The following DAB1 variants were observed in gnomAD, a reference collection of about 807,000 sequenced individuals.
DAB1 encodes DAB adaptor protein 1.
Under a neutral mutation model 64.6 loss-of-function variants are expected in DAB1, and 15 were observed. The ratio of observed to expected loss-of-function variants is 0.23; its 90% CI spans 0.16 to 0.36. The LOEUF (loss-of-function observed/expected upper bound fraction) is 0.36. Ranked by LOEUF, DAB1 falls within the 10% of genes least tolerant of loss-of-function variation. DAB1 has a pLI of 1.00. For missense variants in DAB1, 596 were observed against 706.7 expected, an observed-to-expected ratio of 0.84 and a Z score of 1.78; for synonymous variants, 235 against 251.9, an observed-to-expected ratio of 0.93 and a Z score of 0.64.
At chr1:57,816,816 ATG>A (rs1167625277) in intron 6 of DAB1, among the ~76,000 whole-genome samples, 1 of 152,186 alleles carries the variant, frequency 6.6e-6, no homozygotes, top group Non-Finnish European at 1.5e-5. Flanking sequence ...TGACACAAAT[ATG>A]TTATTTGATT....
At chr1:58,403,682 G>A (rs985331202) in intron 3 of DAB1, among the ~76,000 whole-genome samples, 3 of 152,204 alleles carry the variant, frequency 2.0e-5, no homozygotes, top group African/African-American at 7.2e-5. Flanking sequence ...TCACGGGGTT[G>A]TGAGGATGAA....
intron 5 of DAB1, among the ~76,000 whole-genome samples, chr1:57,949,386 C>T (rs572321174): frequency 2.5e-4 from 38 of 152,210 alleles, no homozygotes; most frequent in African/African-American, 8.9e-4. Flanking sequence ...CTGGGCAGCC[C>T]AGTTTATAAC....
chr1:57,459,208 AATTTT>A lies in DAB1; in HGVS notation n.626-168047_626-168043del, dbSNP rs531939442. ...ATTTTAAACTCCATGTTTTTCACTT[AATTTT>A]ATTTCATAAACACTATGCATATTTT... On this transcript the variant is annotated intron_variant and non_coding_transcript_variant, in intron 7 of 20. Transcript: ENST00000485760. 4.1e-3 allele frequency among the ~76,000 whole-genome samples: 627 copies of A among 152,284 alleles called. 3 individuals carry two copies. Among genetic ancestry groups the A allele is most frequent in the Middle Eastern group, 6.8e-3 (2 of 294 alleles).
rs543071646 is a variant in DAB1, at chr1:57,567,190, A to C, written n.625+82402T>G. On this transcript the variant is annotated intron_variant and non_coding_transcript_variant, in intron 7 of 20. Coordinates refer to the DAB1 transcript ENST00000485760. Reference sequence around the variant, plus strand: ...AAGACAAAAACCACATGATTATCTCAATAGATGCAGAAAAGGCCTTTGACA... The same window carrying C: ...AAGACAAAAACCACATGATTATCTCCATAGATGCAGAAAAGGCCTTTGACA... 2.6e-5 allele frequency among the ~76,000 whole-genome samples: 4 copies of C among 152,340 alleles called. No individual in the cohort carries two copies. The South Asian group carries it at 8.3e-4, about 32-fold the overall frequency.
chr1:57,682,745 G>A (rs1036465239), intron 6 of DAB1, among the ~76,000 whole-genome samples: 1 of 152,126 alleles, frequency 6.6e-6, no homozygotes, highest in Admixed American at 6.5e-5. Flanking sequence ...CTTTTGTGTG[G>A]GGGGAAGCTC....
intron 5 of DAB1, among the ~76,000 whole-genome samples, chr1:58,126,131 G>A (rs1024593881): frequency 6.6e-6 from 1 of 152,142 alleles, no homozygotes; most frequent in East Asian, 1.9e-4. Context: ...AAATCAGTCT[G>A]ACCTTTTCCC....
At chr1:57,429,934 T>C (rs1685436320) in intron 7 of DAB1, among the ~76,000 whole-genome samples, 1 of 151,746 alleles carries the variant, frequency 6.6e-6, no homozygotes, top group African/African-American at 2.4e-5. Flanking sequence ...TGCCTCTGGG[T>C]TGTAATTATC....
chr1:58,343,222 G>A lies in DAB1; in HGVS notation n.309+130C>T, dbSNP rs922089264. Reference sequence around the variant, plus strand: ...TCTACCACTGGGATGCTGAGCTCTTGTCTCTATAACTGGAACATATAGATG... The same window carrying A: ...TCTACCACTGGGATGCTGAGCTCTTATCTCTATAACTGGAACATATAGATG... On this transcript the variant is annotated intron_variant and non_coding_transcript_variant, in intron 4 of 20. Coordinates refer to the DAB1 transcript ENST00000485760. The A allele has an allele frequency of 2.7e-5, 4 of 150,866 alleles. No individual in the cohort carries two copies. The East Asian group carries it at 7.8e-4, about 29-fold the overall frequency. 9.3% of individuals were successfully genotyped at this position (150,866 alleles called of 1,614,324 possible).
rs185605471 is a variant in DAB1 at position 57,900,848 on chromosome 1, C to A, written n.388-16686G>T. 1.9e-3 allele frequency among the ~76,000 whole-genome samples: 291 copies of A among 152,208 alleles called. 2 individuals carry two copies. The highest frequency in any genetic ancestry group is 6.8e-3 in the African/African-American group (281 of 41,544). On this transcript the variant is annotated intron_variant and non_coding_transcript_variant, in intron 5 of 20. Transcript: ENST00000485760. Reference sequence around the variant, plus strand: ...ATTACTTGGTGAATGTTCTTTCTTGCTAGATTACTGATTCTATGGGGGCAG... The same window carrying A: ...ATTACTTGGTGAATGTTCTTTCTTGATAGATTACTGATTCTATGGGGGCAG...
chr1:57,274,201 T>G (rs1366850195), intron 2 of DAB1, among the ~76,000 whole-genome samples: 1 of 152,212 alleles, frequency 6.6e-6, no homozygotes, highest in Admixed American at 6.5e-5. Flanking sequence ...TGTTAAAAAT[T>G]AAAACTCAGT....
chr1:57,647,245 T>C (rs984389768), intron 7 of DAB1, among the ~76,000 whole-genome samples: 2 of 152,172 alleles, frequency 1.3e-5, no homozygotes, highest in Non-Finnish European at 2.9e-5. Context: ...CATCTCTTTC[T>C]AGGAATAGAT....
chr1:57,683,249 G>A (rs562668714), intron 6 of DAB1, among the ~76,000 whole-genome samples: 3 of 152,258 alleles, frequency 2.0e-5, no homozygotes, highest in Non-Finnish European at 2.9e-5. Flanking sequence ...TTGAAAGAAC[G>A]TGGTCTATCT....
At chr1:58,535,285 A>G (rs983992550) in intron 1 of DAB1, among the ~76,000 whole-genome samples, 1 of 152,184 alleles carries the variant, frequency 6.6e-6, no homozygotes, top group Admixed American at 6.5e-5. Context: ...AACTTTCATA[A>G]AGTGTATGCT....
At chr1:57,035,833 CTTTTT>C (rs35389635) in intron 9 of DAB1, among the ~76,000 whole-genome samples, 4 of 61,916 alleles carry the variant, frequency 6.5e-5, no homozygotes, top group South Asian at 7.1e-4. Context: ...CGCACATGCA[CTTTTT>C]TTTTTTTTTT....
Position 57,269,178 on chromosome 1 carries a change from C to A in DAB1, c.67+21786G>T, listed in dbSNP as rs372195309. Among the ~76,000 whole-genome samples the A allele has an allele frequency of 6.0e-4, 92 of 152,196 alleles. 1 individual carries two copies. The South Asian group carries it at 0.016, about 27-fold the overall frequency. ...TTTGGCCCAACCTCCAGTCTCCCAC[C>A]AGCACCTCCCATTTGTTGAGCTGAC... On this transcript the variant is annotated intron_variant, in intron 2 of 14. Coordinates refer to ENST00000371236, the MANE Select transcript of DAB1 (RefSeq NM_001365792.1).
At chr1:57,457,244 G>A (rs986229057) in intron 7 of DAB1, among the ~76,000 whole-genome samples, 3 of 152,126 alleles carry the variant, frequency 2.0e-5, no homozygotes, top group Admixed American at 6.6e-5. Flanking sequence ...GTGGTAGACC[G>A]GAGAATTGGA....
chr1:58,395,271 C>T (rs924402402), intron 3 of DAB1, among the ~76,000 whole-genome samples: 5 of 151,898 alleles, frequency 3.3e-5, no homozygotes, highest in African/African-American at 9.7e-5. Context: ...AACTAAAGAC[C>T]AAGGATAATG....
intron 5 of DAB1, among the ~76,000 whole-genome samples, chr1:58,034,052 C>T (rs1024949699): frequency 6.6e-6 from 1 of 152,184 alleles, no homozygotes; most frequent in Middle Eastern, 3.2e-3. Flanking sequence ...TAGTGACTTG[C>T]TTCTAACAAA....
chr1:57,111,220 T>G (rs1655627471), intron 4 of DAB1, among the ~76,000 whole-genome samples: 1 of 152,024 alleles, frequency 6.6e-6, no homozygotes, highest in Admixed American at 6.6e-5. Context: ...CCTGAGCCCC[T>G]CTCCAGCCCT....
Sources: gnomAD v4.1 joint callset for allele counts (sites outside exome capture counted in the v4.1 genomes callset) on GRCh38, gnomAD v4.1.1 for gene constraint, MANE v1.5 for transcripts, NCBI Gene and HGNC (gene_info 2026-07-23, HGNC 2026-07-21) for gene names.